MTG2: variants seen among roughly 807,000 people sequenced by gnomAD.
MTG2 encodes mitochondrial ribosome-associated GTPase 2.
MTG2 carries 23 observed loss-of-function variants against 28.6 expected under a neutral mutation model. The observed-to-expected ratio is 0.80, with a 90% CI of 0.58 to 1.14. The LOEUF is 1.14. Ranked by LOEUF, MTG2 falls within the 50% of genes most tolerant of loss-of-function variation. The pLI is 0.00. For missense variants in MTG2, 539 were observed against 552.0 expected, an observed-to-expected ratio of 0.98 and a Z score of 0.24; for synonymous variants, 260 against 251.8, an observed-to-expected ratio of 1.03 and a Z score of -0.31.
At chr20:62,187,154 T>G (rs1244096723) in intron 1 of MTG2, among the ~76,000 whole-genome samples, 1 of 152,230 alleles carries the variant, frequency 6.6e-6, no homozygotes. Context: ...GTGAAGTGCC[T>G]GGGCTGAGTT....
At chr20:62,200,578 T>G in intron 6 of MTG2, 105 bp from the exon 7 acceptor site, 1 of 1,379,894 alleles carries the variant, frequency 7.2e-7, no homozygotes, top group Non-Finnish European at 9.7e-7. Context: ...GAAATCCGCC[T>G]TCGCAGTGGG....
rs1045927687 is a variant in MTG2, at chr20:62,198,305, C to T, written c.469-329C>T. On this transcript the variant is annotated intron_variant, in intron 4 of 6. Coordinates refer to ENST00000370823, the MANE Select transcript of MTG2 (RefSeq NM_015666.4). ...ACTGAGGGAGGCCACTGGCACCCAGCGGGCCTGCGTCTCCTTCGCGAGCTG... is the reference window on the plus strand; with the variant it reads ...ACTGAGGGAGGCCACTGGCACCCAGTGGGCCTGCGTCTCCTTCGCGAGCTG... 48 of 521,706 alleles carry T rather than the reference C, an allele frequency of 9.2e-5. 1 individual carries two copies. Among genetic ancestry groups the T allele is most frequent in the South Asian group, 1.8e-4 (8 of 45,662 alleles). The allele number at this position is 521,706 out of a possible 1,614,324, so 32.3% of individuals were successfully genotyped here. A position where few individuals can be genotyped will look rare whatever the true frequency, so the allele number is the denominator to read the frequency against.
rs1214778610 is a variant in MTG2 at position 62,193,625 on chromosome 20, G to A, written c.204+1G>A. On this transcript the variant is annotated splice_donor_variant, in intron 2 of 6. Transcript: ENST00000370823. LOFTEE classifies it high-confidence loss of function. Reference sequence around the variant, plus strand: ...GAAGCTGCTCTCTGAGAAAAAGCTGGTGAGACTCCTGGAGTTAGAGCAGCT... The same window carrying A: ...GAAGCTGCTCTCTGAGAAAAAGCTGATGAGACTCCTGGAGTTAGAGCAGCT... 1 of 1,608,548 alleles carries A rather than the reference G, an allele frequency of 6.2e-7. No individual in the cohort carries two copies.
intron 4 of MTG2, chr20:62,198,383 T>G: frequency 1.7e-6 from 1 of 575,362 alleles, no homozygotes; most frequent in Non-Finnish European, 3.1e-6. Flanking sequence ...ACACTAACGT[T>G]TTAGAAACAC....
chr20:62,198,978 C>T (rs968192591), intron 5 of MTG2, 126 bp downstream of exon 5: 38 of 1,531,406 alleles, frequency 2.5e-5, no homozygotes, highest in Admixed American at 8.8e-5. Flanking sequence ...CCCATCAGTA[C>T]ACTGCTGACT....
Position 62,200,830 on chromosome 20 carries a change from A to T in MTG2, c.974A>T (p.Lys325Ile). Residue 325 changes from lysine (K) to isoleucine (I), a missense_variant, in exon 7 of 7, where the codon AAA (lysine) becomes ATA (isoleucine). Coordinates refer to ENST00000370823, the MANE Select transcript of MTG2 (RefSeq NM_015666.4). ...PEPWTQVDDLKYELEMYEKGL... is the reference protein window; with the variant it reads ...PEPWTQVDDLIYELEMYEKGL... ...CCGTGGACTCAAGTTGACGATTTAA[A>T]ATATGAACTGGAGATGTATGAAAAG... 2.5e-6 allele frequency: 4 copies of T among 1,613,938 alleles called. No individual in the cohort carries two copies. The highest frequency in any genetic ancestry group is 3.4e-6 in the Non-Finnish European group (4 of 1,180,038).
chr20:62,199,712 T>TG (rs2058130173), intron 6 of MTG2, among the ~76,000 whole-genome samples: 1 of 129,570 alleles, frequency 7.7e-6, no homozygotes, highest in East Asian at 2.3e-4. Flanking sequence ...TTTTTTTTTT[T>TG]GAGACGGAGT....
chr20:62,188,145 A>AC (rs386394196), intron 1 of MTG2, among the ~76,000 whole-genome samples: 3 of 151,794 alleles, frequency 2.0e-5, no homozygotes, highest in African/African-American at 7.3e-5. Context: ...AAAAAAAAAA[A>AC]ATTCTGGTAT....
chr20:62,193,724 G>A, intron 2 of MTG2, 100 bp downstream of exon 2: 1 of 1,149,282 alleles, frequency 8.7e-7, no homozygotes, highest in Non-Finnish European at 1.2e-6. Flanking sequence ...GTTGATGTTA[G>A]TTGATGATCT....
rs777764723 is a variant in MTG2 at position 62,198,691 on chromosome 20, G to A, written c.526G>A (p.Val176Met). ...CAGAGTTGTGGCCGACCTGTCTTGC[G>A]TGGGAGATGAGTACATTGCCGCGCT... The part of the protein sequence containing the change: ...GGRVVADLSC[V>M]GDEYIAALGG... The change falls in exon 5 of 7, where the codon GTG (valine) becomes ATG (methionine). Residue 176 changes from valine to methionine, a missense_variant. Coordinates refer to ENST00000370823, the MANE Select transcript of MTG2 (RefSeq NM_015666.4). The A allele has an allele frequency of 1.8e-5, 29 of 1,614,010 alleles. No individual in the cohort carries two copies. Among genetic ancestry groups the A allele is most frequent in the South Asian group, 6.6e-5 (6 of 91,096 alleles).
chr20:62,197,986 A>T lies in MTG2; in HGVS notation c.468+19A>T. 6.2e-7 allele frequency: 1 copy of T among 1,602,726 alleles called. No individual in the cohort carries two copies. The highest frequency in any genetic ancestry group is 8.5e-7 in the Non-Finnish European group (1 of 1,170,470). On this transcript the variant is annotated intron_variant, in intron 4 of 6. Transcript: ENST00000370823. ...CATCCGGGTGAGCCGAGACTGCCGGACCTGGCCCTGTCCCCGTTGTTCTGG... is the reference window on the plus strand; with the variant it reads ...CATCCGGGTGAGCCGAGACTGCCGGTCCTGGCCCTGTCCCCGTTGTTCTGG...
chr20:62,191,191 C>T (rs921908660), intron 1 of MTG2, among the ~76,000 whole-genome samples: 1 of 152,080 alleles, frequency 6.6e-6, no homozygotes, highest in East Asian at 1.9e-4. Flanking sequence ...AGGGCTGGCT[C>T]GGGAGTCAGG....
chr20:62,196,672 AAAAAC>A (rs905493146), intron 3 of MTG2, among the ~76,000 whole-genome samples: 4 of 148,578 alleles, frequency 2.7e-5, no homozygotes, highest in Non-Finnish European at 5.9e-5. Context: ...CCTATCTCAA[AAAAAC>A]AAAACAAAAC....
intron 1 of MTG2, among the ~76,000 whole-genome samples, chr20:62,189,664 C>CTTTTTT (rs34528319): frequency 8.8e-6 from 1 of 113,650 alleles, no homozygotes; most frequent in Non-Finnish European, 1.9e-5. Context: ...TAAACATTAA[C>CTTTTTT]TTTTTTTTTT....
intron 2 of MTG2, 109 bp from the exon 3 acceptor site, chr20:62,195,693 A>G (rs2058044843): frequency 1.5e-6 from 2 of 1,355,812 alleles, no homozygotes; most frequent in Non-Finnish European, 2.0e-6. Flanking sequence ...TTAACCTCTA[A>G]TTTTAATAGG....
chr20:62,186,675 C>A (rs568344069), intron 1 of MTG2, among the ~76,000 whole-genome samples: 140 of 152,084 alleles, frequency 9.2e-4, no homozygotes, highest in African/African-American at 3.0e-3. Flanking sequence ...ACTACAGGCA[C>A]GTGCCACCAC....
chr20:62,184,998 T>G (rs1568779734), intron 1 of MTG2, among the ~76,000 whole-genome samples: 1 of 151,304 alleles, frequency 6.6e-6, no homozygotes, highest in Non-Finnish European at 1.5e-5. Context: ...TAATCCCAGG[T>G]ACTCGGGAGG....
intron 2 of MTG2, among the ~76,000 whole-genome samples, chr20:62,194,646 TA>T (rs1459571320): frequency 3.5e-5 from 5 of 143,272 alleles, no homozygotes; most frequent in Admixed American, 7.5e-5. Context: ...AATTTTCTTT[TA>T]AAAGAAAAAA....
intron 1 of MTG2, among the ~76,000 whole-genome samples, chr20:62,184,949 A>G (rs766645960): frequency 2.0e-5 from 3 of 151,968 alleles, no homozygotes; most frequent in Non-Finnish European, 4.4e-5. Context: ...GTCTCTATTA[A>G]AAATACAAAA....
Sources: gnomAD v4.1 joint callset for allele counts (sites outside exome capture counted in the v4.1 genomes callset) on GRCh38, gnomAD v4.1.1 for gene constraint, MANE v1.5 for transcripts, NCBI Gene and HGNC (gene_info 2026-07-23, HGNC 2026-07-21) for gene names.